QRICH1: variants seen among roughly 807,000 people sequenced by gnomAD.
The protein encoded by QRICH1 is glutamine rich 1, also known as transcriptional regulator QRICH1.
QRICH1 carries 16 observed loss-of-function variants against 87.1 expected under a neutral mutation model. The observed-to-expected ratio is 0.18, with a 90% CI of 0.12 to 0.28. QRICH1 has a LOEUF of 0.28. Among genes scored for constraint, QRICH1 ranks in the 10% least tolerant of loss-of-function variants. The pLI is 1.00. For synonymous variants in QRICH1, 367 were observed against 368.4 expected (o/e 1.00, Z 0.05); for missense variants, 647 against 951.7 (o/e 0.68, Z 4.21).
At chr3:49,054,541 C>G (rs1312392163) in intron 3 of QRICH1, among the ~76,000 whole-genome samples, 5 of 150,014 alleles carry the variant, frequency 3.3e-5, no homozygotes, top group Non-Finnish European at 7.4e-5. Flanking sequence ...GGGCATGTCC[C>G]TTCTGTCCAT....
chr3:49,036,842 T>C (rs916362531), intron 6 of QRICH1, among the ~76,000 whole-genome samples: 4 of 151,962 alleles, frequency 2.6e-5, no homozygotes, highest in African/African-American at 4.8e-5. Flanking sequence ...GTGTGCGGAA[T>C]GCCTAAGCTC....
At chr3:49,062,251 C>A (rs1036375466) in intron 2 of QRICH1, among the ~76,000 whole-genome samples, 3 of 151,778 alleles carry the variant, frequency 2.0e-5, no homozygotes, top group African/African-American at 7.3e-5. Flanking sequence ...AGCAAAATTG[C>A]CTGAACCTGG....
At chr3:49,063,839 CTT>C (rs2093449763) in intron 2 of QRICH1, among the ~76,000 whole-genome samples, 1 of 152,106 alleles carries the variant, frequency 6.6e-6, no homozygotes, top group South Asian at 2.1e-4. Context: ...CCCAAAAGAA[CTT>C]GTTTACATAG....
At chr3:49,069,441 A>C (rs1246896393) in intron 2 of QRICH1, among the ~76,000 whole-genome samples, 1 of 151,952 alleles carries the variant, frequency 6.6e-6, no homozygotes, top group Non-Finnish European at 1.5e-5. Context: ...GTTTCCTCCA[A>C]TTACACTTAT....
intron 2 of QRICH1, among the ~76,000 whole-genome samples, chr3:49,073,947 A>AT (rs909480980): frequency 2.6e-5 from 4 of 151,146 alleles, no homozygotes; most frequent in Middle Eastern, 3.4e-3. Flanking sequence ...TCCCTGGGTA[A>AT]TTTTTTTTTA....
chr3:49,032,108 G>C, intron 9 of QRICH1, 75 bp downstream of exon 9: 3 of 1,202,204 alleles, frequency 2.5e-6, no homozygotes, highest in African/African-American at 1.5e-5. Flanking sequence ...TATGATAAGT[G>C]ATCACACAAG....
rs562616041 is a variant in QRICH1, at chr3:49,048,063, TG to T, written c.1339-818del. ...GTCTTTAATGTGCAAACAAATCACT[TG>T]GGGATTTTATCAAAATGCATATTCT... On this transcript the variant is annotated intron_variant, in intron 3 of 9. Transcript: ENST00000395443. Among the ~76,000 whole-genome samples, 423 of 152,042 alleles carry T rather than the reference TG, an allele frequency of 2.8e-3. 4 individuals are homozygous for T. Among genetic ancestry groups the T allele is most frequent in the African/African-American group, 9.7e-3 (402 of 41,474 alleles).
chr3:49,056,919 G>A lies in QRICH1; in HGVS notation c.1281C>T (p.Pro427=), dbSNP rs2093405723. ...DPQQQPQQQT[P]QEQTPPPQQQ... is the part of the protein sequence containing the mutation. ...GCTGTGGTGGTGGTGTCTGTTCCTG[G>A]GGAGTTTGCTGCTGCGGCTGCTGTT... The change falls in exon 3 of 10, where the codon CCC becomes CCT. Residue 427 remains proline (P), a synonymous_variant. Coordinates refer to ENST00000395443, the MANE Select transcript of QRICH1 (RefSeq NM_198880.3). 3 of 1,614,076 alleles carry A rather than the reference G, an allele frequency of 1.9e-6. No individual in the cohort carries two copies. The highest frequency in any genetic ancestry group is 1.7e-6 in the Non-Finnish European group (2 of 1,179,972).
At position 49,039,336 on chromosome 3, in the gene QRICH1, G is replaced by A. The variant is rs548143541; in HGVS notation, c.1786+5054C>T. On this transcript the variant is annotated intron_variant, in intron 6 of 9. Coordinates refer to ENST00000395443, the MANE Select transcript of QRICH1 (RefSeq NM_198880.3). ...CGTGTCATTGCGCTCCAGCCTGGGC[G>A]ACAGAGTGAGGATCTGTCTCAAATA... Among the ~76,000 whole-genome samples the A allele has an allele frequency of 1.4e-4, 21 of 152,056 alleles. No individual in the cohort carries two copies. In the South Asian group the frequency reaches 3.3e-3, roughly 24 times the overall value.
intron 2 of QRICH1, among the ~76,000 whole-genome samples, chr3:49,058,188 C>T (rs903522129): frequency 4.6e-5 from 7 of 152,068 alleles, no homozygotes; most frequent in African/African-American, 1.2e-4. Context: ...CTCGCTCTGT[C>T]GCCCAGGCTG....
intron 5 of QRICH1, among the ~76,000 whole-genome samples, 185 bp from the exon 6 acceptor site, chr3:49,044,689 T>C (rs1037038547): frequency 6.6e-6 from 1 of 152,158 alleles, no homozygotes; most frequent in African/African-American, 2.4e-5. Context: ...TCTCATGACA[T>C]TCTTGAGAGT....
Position 49,047,051 on chromosome 3 carries a change from T to C in QRICH1, c.1516+18A>G, listed in dbSNP as rs2093342985. On this transcript the variant is annotated intron_variant, in intron 4 of 9. Transcript: ENST00000395443. The stretch of plus-strand genomic sequence containing the variant: ...ATTGCATTTTAGACACAGCCCACTC[T>C]TCTTCCAAGACACTCACTCCCAATG... 1 of 1,599,888 alleles carries C rather than the reference T, an allele frequency of 6.3e-7. No homozygotes were observed. Among genetic ancestry groups the C allele is most frequent in the African/African-American group, 1.3e-5 (1 of 74,524 alleles).
chr3:49,080,369 A>T (rs1203633866), intron 1 of QRICH1, among the ~76,000 whole-genome samples: 1 of 152,180 alleles, frequency 6.6e-6, no homozygotes, highest in Non-Finnish European at 1.5e-5. Context: ...GCGTTTTTAC[A>T]TGCAGCAAAA....
chr3:49,043,688 A>G (rs903641078), intron 6 of QRICH1, among the ~76,000 whole-genome samples: 9 of 151,912 alleles, frequency 5.9e-5, no homozygotes, highest in Admixed American at 2.6e-4. Flanking sequence ...TTAGCAGGGC[A>G]TGATGGCACA....
chr3:49,085,404 T>G (rs2042149852), intron 1 of QRICH1, among the ~76,000 whole-genome samples: 1 of 150,642 alleles, frequency 6.6e-6, no homozygotes, highest in Admixed American at 6.6e-5. Context: ...AGTGTAGTAA[T>G]GGTAACAGAC....
chr3:49,069,543 ATT>A (rs372639913), intron 2 of QRICH1, among the ~76,000 whole-genome samples: 27 of 122,764 alleles, frequency 2.2e-4, no homozygotes, highest in Admixed American at 3.7e-4. Context: ...ATGGGGGGGA[ATT>A]TTTTTTTTTT....
intron 1 of QRICH1, among the ~76,000 whole-genome samples, chr3:49,084,849 T>G (rs1220610908): frequency 1.3e-5 from 2 of 152,168 alleles, no homozygotes; most frequent in East Asian, 3.8e-4. Context: ...TAAACACTCT[T>G]CTGAATTTTC....
intron 2 of QRICH1, among the ~76,000 whole-genome samples, chr3:49,072,227 G>A (rs1443675127): frequency 1.3e-5 from 2 of 152,084 alleles, no homozygotes; most frequent in Non-Finnish European, 2.9e-5. Context: ...AGGTTGCAGT[G>A]AGCCAAAATA....
At chr3:49,050,645 G>C (rs564786021) in intron 3 of QRICH1, among the ~76,000 whole-genome samples, 1 of 151,886 alleles carries the variant, frequency 6.6e-6, no homozygotes, top group African/African-American at 2.4e-5. Flanking sequence ...GAAAATCTTT[G>C]GCATCAGTTT....
Sources: allele counts gnomAD v4.1 joint callset (sites outside exome capture counted in the v4.1 genomes callset), GRCh38; gene constraint gnomAD v4.1.1; transcripts MANE v1.5; gene names NCBI Gene and HGNC (gene_info 2026-07-23, HGNC 2026-07-21).